Variants in FAAH2 observed in about 807,000 individuals in gnomAD.
FAAH2 encodes fatty acid amide hydrolase 2.
FAAH2 carries 60 observed loss-of-function variants against 36.9 expected under a neutral mutation model. The observed-to-expected ratio is 1.63, with a 90% CI of 1.32 to 2.02. The LOEUF (loss-of-function observed/expected upper bound fraction) is 2.02, where lower values mean the gene tolerates loss of function less well. Ranked by LOEUF, FAAH2 falls within the 30% of genes most tolerant of loss-of-function variation. FAAH2 has a pLI of 0.00. For missense variants in FAAH2, 689 were observed against 397.5 expected (o/e 1.73, Z -6.23); for synonymous variants, 214 against 143.8 (o/e 1.49, Z -3.49).
At chrX:57,306,863 A>G (rs1409297774) in intron 2 of FAAH2, among the ~76,000 whole-genome samples, 1 of 92,163 alleles carries the variant, frequency 1.1e-5, no homozygotes, top group Non-Finnish European at 2.1e-5. Context: ...GTATATATAT[A>G]CACACTATAT....
chrX:57,295,629 C>A (rs1484754097), intron 2 of FAAH2, among the ~76,000 whole-genome samples: 1 of 112,002 alleles, frequency 8.9e-6, no homozygotes, highest in African/African-American at 3.2e-5. Context: ...GGGTGCAGTG[C>A]ACCGTGCATG....
At chrX:57,346,677 T>C (rs971545052) in intron 5 of FAAH2, among the ~76,000 whole-genome samples, 1 of 111,811 alleles carries the variant, frequency 8.9e-6, no homozygotes. Context: ...CTTTATATTA[T>C]CTGTGGGCTA....
At chrX:57,379,872 C>T (rs187428607) in intron 6 of FAAH2, among the ~76,000 whole-genome samples, 92 of 105,037 alleles carry the variant, frequency 8.8e-4, no homozygotes, top group Non-Finnish European at 1.5e-3. Flanking sequence ...ACTTACCATT[C>T]ATTACCTCAT....
At chrX:57,429,011 CA>C (rs1292401841) in intron 7 of FAAH2, among the ~76,000 whole-genome samples, 2 of 111,494 alleles carry the variant, frequency 1.8e-5, no homozygotes, top group African/African-American at 6.5e-5. Context: ...CTAGGTTCCA[CA>C]AAGAACTCAG....
rs1428665895 is a variant in FAAH2, at chrX:57,378,768, C to A, written c.860C>A (p.Ala287Glu). The A allele has an allele frequency of 8.3e-7, 1 of 1,207,244 alleles. No individual in the cohort carries two copies. Among genetic ancestry groups the A allele is most frequent in the Non-Finnish European group, 1.1e-6 (1 of 893,979 alleles). Residue 287 changes from alanine (A) to glutamate (E), a missense_variant, in exon 6 of 11, where the codon GCA becomes GAA. Ala to Glu is a moderately radical substitution (Grantham distance 107). Coordinates refer to ENST00000374900, the MANE Select transcript of FAAH2 (RefSeq NM_174912.4). ...EDLAPMLKVMAGPGIKRLKLD... is the reference protein window; with the variant it reads ...EDLAPMLKVMEGPGIKRLKLD... ...CTGGCCCCCATGTTGAAGGTCATGG[C>A]AGGACCTGGGATCAAAAGGTATGTT...
chrX:57,248,532 T>A, the FAAH2 span, among the ~76,000 whole-genome samples: 2 of 110,175 alleles, frequency 1.8e-5, no homozygotes, highest in African/African-American at 6.6e-5. Context: ...GGCGGGTGGA[T>A]CACCTGAGGT....
the FAAH2 span, chrX:57,127,082 A>G: frequency 9.0e-6 from 1 of 111,332 alleles, no homozygotes; most frequent in East Asian, 2.8e-4. Context: ...TTATAGTTAA[A>G]GCAATTTGAT....
chrX:57,142,000 G>A, the FAAH2 span, among the ~76,000 whole-genome samples: 1 of 110,337 alleles, frequency 9.1e-6, no homozygotes, highest in African/African-American at 3.3e-5. Flanking sequence ...ATTTATTTGA[G>A]TCTTCTCTTA....
intron 7 of FAAH2, among the ~76,000 whole-genome samples, chrX:57,402,207 C>T (rs185123084): frequency 8.9e-6 from 1 of 112,150 alleles, no homozygotes; most frequent in Non-Finnish European, 1.9e-5. Flanking sequence ...AGAGGACCTT[C>T]GTCCCCTGGG....
the FAAH2 span, among the ~76,000 whole-genome samples, chrX:57,131,645 G>A: frequency 8.9e-6 from 1 of 111,924 alleles, no homozygotes; most frequent in African/African-American, 3.2e-5. Flanking sequence ...GAGTAAAGAA[G>A]ACTTTTCATT....
chrX:57,378,667 A>G lies in FAAH2; in HGVS notation c.759A>G (p.Lys253=). The G allele has an allele frequency of 8.3e-7, 1 of 1,211,253 alleles. No individual in the cohort carries two copies. The highest frequency in any genetic ancestry group is 1.7e-5 in the African/African-American group (1 of 57,792). The part of the protein sequence containing the change: ...HKPSPGVVPN[K]GQFPLAVGAQ... ...TCCTTTCAGGTGTGGTTCCCAACAA[A>G]GGTCAGTTTCCCTTGGCTGTGGGAG... is the stretch of plus-strand genomic sequence containing the variant. Residue 253 remains lysine, a synonymous_variant, in exon 6 of 11, where the codon AAA becomes AAG. Coordinates refer to ENST00000374900, the MANE Select transcript of FAAH2 (RefSeq NM_174912.4).
At chrX:57,140,605 A>AG in the FAAH2 span, among the ~76,000 whole-genome samples, 1 of 107,611 alleles carries the variant, frequency 9.3e-6, no homozygotes, top group Non-Finnish European at 1.9e-5. Context: ...TCTCAAAAAA[A>AG]AAAAAAAAAA....
At chrX:57,184,256 C>A in the FAAH2 span, among the ~76,000 whole-genome samples, 2 of 111,341 alleles carry the variant, frequency 1.8e-5, no homozygotes, top group Non-Finnish European at 3.8e-5. Flanking sequence ...TTTGTTAGAC[C>A]CTTATTAGTA....
intron 7 of FAAH2, among the ~76,000 whole-genome samples, chrX:57,395,655 T>C (rs2055276924): frequency 8.9e-6 from 1 of 112,336 alleles, no homozygotes. Context: ...ATTCTGTTTA[T>C]GTGGTTAATT....
chrX:57,455,993 G>A (rs751843174), intron 10 of FAAH2, among the ~76,000 whole-genome samples: 20 of 111,566 alleles, frequency 1.8e-4, no homozygotes, highest in African/African-American at 6.5e-4. Context: ...AACAACCACA[G>A]AATATATATT....
At chrX:57,143,315 A>G in the FAAH2 span, among the ~76,000 whole-genome samples, 2 of 110,887 alleles carry the variant, frequency 1.8e-5, no homozygotes, top group African/African-American at 3.3e-5. Context: ...TTGCAAGACT[A>G]TTCTAACGAA....
chrX:57,274,807 T>C, the FAAH2 span, among the ~76,000 whole-genome samples: 1 of 111,776 alleles, frequency 8.9e-6, no homozygotes, highest in Non-Finnish European at 1.9e-5. Flanking sequence ...TCATACTGAA[T>C]GGGAAAAAAC....
intron 3 of FAAH2, among the ~76,000 whole-genome samples, chrX:57,325,187 G>C (rs996902994): frequency 1.2e-4 from 13 of 112,031 alleles, no homozygotes; most frequent in South Asian, 7.5e-4. Context: ...CAGGGATGAA[G>C]CCCACTTGAT....
At chrX:57,146,001 A>AG in the FAAH2 span, among the ~76,000 whole-genome samples, 642 of 107,716 alleles carry the variant, frequency 6.0e-3, 8 homozygotes, top group African/African-American at 0.021. Context: ...TGATGCCTCC[A>AG]AATTTTTTTT....
Sources: allele counts gnomAD v4.1 joint callset (sites outside exome capture counted in the v4.1 genomes callset), GRCh38; gene constraint gnomAD v4.1.1; transcripts MANE v1.5; gene names NCBI Gene and HGNC (gene_info 2026-07-23, HGNC 2026-07-21).